PTPRJ: variants seen among roughly 807,000 people sequenced by gnomAD.
PTPRJ encodes protein tyrosine phosphatase receptor type J, also known as receptor-type tyrosine-protein phosphatase eta.
PTPRJ carries 129 observed loss-of-function variants against 141.3 expected under a neutral mutation model. That is an observed-to-expected ratio of 0.91 (90% confidence interval 0.79 to 1.06). The LOEUF (loss-of-function observed/expected upper bound fraction) is 1.06, where lower values mean the gene tolerates loss of function less well. PTPRJ is among the 50% of genes least tolerant of loss of function. PTPRJ has a pLI of 0.00. For synonymous variants in PTPRJ, 610 were observed against 640.5 expected, an observed-to-expected ratio of 0.95 and a Z score of 0.72; for missense variants, 1,601 against 1,679.7, an observed-to-expected ratio of 0.95 and a Z score of 0.82.
At position 47,980,729 on chromosome 11, in the gene PTPRJ, G is replaced by GGCC. The variant is rs921156659; in HGVS notation, c.-172_-170dup. Reference sequence around the variant, plus strand: ...GCGCTAGGCTCCGGCGTGTGGCCGCGGCCGCCGCCGCCGCTGCCATGTCTC... The same window carrying GGCC: ...GCGCTAGGCTCCGGCGTGTGGCCGCGGCCGCCGCCGCCGCCGCTGCCATGTCTC... On this transcript the variant is annotated 5_prime_UTR_variant, in exon 1 of 25. Coordinates refer to ENST00000418331, the MANE Select transcript of PTPRJ (RefSeq NM_002843.4). 54 of 1,004,506 alleles carry GGCC rather than the reference G, an allele frequency of 5.4e-5. No individual in the cohort carries two copies. The highest frequency in any genetic ancestry group is 1.8e-4 in the Admixed American group (3 of 16,762). The allele number at this position is 1,004,506 out of a possible 1,614,324, so 62.2% of individuals were successfully genotyped here.
chr11:48,090,424 C>T (rs905673434), intron 1 of PTPRJ, among the ~76,000 whole-genome samples: 12 of 152,206 alleles, frequency 7.9e-5, no homozygotes, highest in African/African-American at 2.4e-4. Flanking sequence ...CTGGTTTTCA[C>T]GTGTCTCCTG....
intron 1 of PTPRJ, among the ~76,000 whole-genome samples, chr11:48,054,646 G>A (rs955442522): frequency 2.0e-5 from 3 of 151,926 alleles, no homozygotes; most frequent in African/African-American, 7.3e-5. Context: ...CCTGATGTAC[G>A]CCAGGCCTCT....
chr11:48,051,286 G>A (rs1020042741), intron 1 of PTPRJ, among the ~76,000 whole-genome samples: 3 of 151,808 alleles, frequency 2.0e-5, no homozygotes, highest in Middle Eastern at 3.2e-3. Flanking sequence ...GTAAAGTCAG[G>A]GTTTTGCCAT....
chr11:48,046,906 ATATATATTTT>A (rs1565274855), intron 1 of PTPRJ, among the ~76,000 whole-genome samples: 2 of 84,270 alleles, frequency 2.4e-5, no homozygotes, highest in South Asian at 6.3e-4. Context: ...ATATATATAT[ATATATATTTT>A]TTTTTTTTTT....
intron 14 of PTPRJ, among the ~76,000 whole-genome samples, chr11:48,145,556 ATG>A (rs936925175): frequency 2.7e-5 from 2 of 74,576 alleles, no homozygotes; most frequent in African/African-American, 8.4e-5. Context: ...ATTTTATTTT[ATG>A]TTTTTTTTTT....
chr11:48,132,883 C>T (rs928157910), intron 8 of PTPRJ, among the ~76,000 whole-genome samples: 6 of 152,154 alleles, frequency 3.9e-5, no homozygotes, highest in African/African-American at 1.4e-4. Context: ...AGATGAAATG[C>T]AGTATTCCCT....
At chr11:48,071,893 C>T (rs10742826) in intron 1 of PTPRJ, among the ~76,000 whole-genome samples, 76,758 of 140,010 alleles carry the variant, frequency 0.55, 25,471 homozygotes, top group East Asian at 0.8. Context: ...TGAGCTACCA[C>T]GCCTGGCCAT....
chr11:48,086,768 A>G (rs1015942277), intron 1 of PTPRJ, among the ~76,000 whole-genome samples: 1 of 152,198 alleles, frequency 6.6e-6, no homozygotes, highest in Admixed American at 6.5e-5. Context: ...TTGCTCTTCT[A>G]TAACTTCCGG....
At chr11:48,008,406 T>A (rs571430819) in intron 1 of PTPRJ, among the ~76,000 whole-genome samples, 3 of 151,648 alleles carry the variant, frequency 2.0e-5, no homozygotes, top group Admixed American at 6.6e-5. Flanking sequence ...ATTACAGGCA[T>A]GTGCCACCAC....
Position 48,044,502 on chromosome 11 carries a change from T to G in PTPRJ, c.96+63494T>G, listed in dbSNP as rs536415466. Reference sequence around the variant, plus strand: ...AAGCTGGTTGGCTGGCTAGCGAGGTTGGGCGAGGGAATAACTCATTTGCTT... The same window carrying G: ...AAGCTGGTTGGCTGGCTAGCGAGGTGGGGCGAGGGAATAACTCATTTGCTT... On this transcript the variant is annotated intron_variant, in intron 1 of 24. Coordinates refer to ENST00000418331, the MANE Select transcript of PTPRJ (RefSeq NM_002843.4). 3.3e-5 allele frequency among the ~76,000 whole-genome samples: 5 copies of G among 152,292 alleles called. No individual in the cohort carries two copies. The South Asian group carries it at 1.0e-3, about 32-fold the overall frequency.
At chr11:48,134,495 C>T (rs1229081082) in intron 8 of PTPRJ, among the ~76,000 whole-genome samples, 1 of 152,068 alleles carries the variant, frequency 6.6e-6, no homozygotes, top group Non-Finnish European at 1.5e-5. Context: ...GAAACAAAGG[C>T]TCCTCCCAGT....
chr11:48,119,018 C>CAAAAAAAAAAA (rs59349969), intron 3 of PTPRJ, among the ~76,000 whole-genome samples: 1 of 87,080 alleles, frequency 1.1e-5, no homozygotes. Context: ...GACTTCGTCT[C>CAAAAAAAAAAA]AAAAAAAAAA....
chr11:47,981,113 CG>C (rs1480145017), intron 1 of PTPRJ, 105 bp downstream of exon 1: 8 of 1,097,754 alleles, frequency 7.3e-6, no homozygotes, highest in South Asian at 4.5e-5. Context: ...GGGAAGGGGG[CG>C]GGGGTCCGGA....
At chr11:48,156,277 G>GAAAT (rs1361516216) in intron 21 of PTPRJ, among the ~76,000 whole-genome samples, 158 bp downstream of exon 21, 2 of 152,002 alleles carry the variant, frequency 1.3e-5, no homozygotes, top group Non-Finnish European at 2.9e-5. Flanking sequence ...CCCCATAAGA[G>GAAAT]AAATGTTTAA....
intron 1 of PTPRJ, among the ~76,000 whole-genome samples, chr11:48,072,693 C>A (rs148710089): frequency 6.6e-6 from 1 of 152,208 alleles, no homozygotes; most frequent in Admixed American, 6.5e-5. Context: ...CCATTCCCAA[C>A]GCCAGTGATC....
intron 1 of PTPRJ, among the ~76,000 whole-genome samples, chr11:47,995,905 G>A (rs375220357): frequency 6.6e-6 from 1 of 152,100 alleles, no homozygotes; most frequent in Non-Finnish European, 1.5e-5. Flanking sequence ...GGGTGTGGTG[G>A]CACATGCCTG....
chr11:48,110,067 G>T lies in PTPRJ; in HGVS notation c.106G>T (p.Ala36Ser), dbSNP rs771041256. 2 of 1,613,848 alleles carry T rather than the reference G, an allele frequency of 1.2e-6. No homozygotes were observed. The highest frequency in any genetic ancestry group is 3.3e-5 in the Admixed American group (2 of 60,002). ...LLLRLGQILC[A>S]GGTPSPIPDP... ...TCTTTTTCTGTTTCAGATCCTGTGC[G>T]CAGGTGGCAGTGAGTACCCTTTTCC... Residue 36 changes from alanine to serine, a missense_variant, in exon 2 of 25, where the codon GCA becomes TCA. By Grantham distance (99) the Ala-to-Ser change is moderately conservative. Coordinates refer to ENST00000418331, the MANE Select transcript of PTPRJ (RefSeq NM_002843.4).
intron 24 of PTPRJ, among the ~76,000 whole-genome samples, chr11:48,166,919 C>T (rs971474319): frequency 6.6e-6 from 1 of 152,174 alleles, no homozygotes; most frequent in African/African-American, 2.4e-5. Context: ...ACATTTCCTC[C>T]TTCCTTTGCC....
Position 48,139,595 on chromosome 11 carries a change from C to A in PTPRJ, c.2262C>A (p.Val754=), listed in dbSNP as rs149209002. The A allele has an allele frequency of 6.2e-7, 1 of 1,614,248 alleles. No individual in the cohort carries two copies. The highest frequency in any genetic ancestry group is 2.2e-5 in the East Asian group (1 of 44,878). The change falls in exon 11 of 25, where the codon GTC becomes GTA. Residue 754 remains valine (V), a synonymous_variant. Transcript: ENST00000418331. ...CCAATGCAGGCTTTGAGCTGGAGGT[C>A]AGCAGTGGAGCCTGGAACAATGCGA... is the stretch of plus-strand genomic sequence containing the variant. ...PGANAGFELE[V]SSGAWNNATH...
Sources: allele counts gnomAD v4.1 joint callset (sites outside exome capture counted in the v4.1 genomes callset), GRCh38; gene constraint gnomAD v4.1.1; transcripts MANE v1.5; gene names NCBI Gene and HGNC (gene_info 2026-07-23, HGNC 2026-07-21).